Variants in TNS3 observed in about 807,000 individuals in gnomAD.
The protein encoded by TNS3 is tensin 3, also known as tensin-3.
Under a neutral mutation model 140.9 loss-of-function variants are expected in TNS3, and 45 were observed. The observed-to-expected ratio is 0.32, with a 90% CI of 0.25 to 0.41. The LOEUF is 0.41. Ranked by LOEUF, TNS3 falls within the 10% of genes least tolerant of loss-of-function variation. The pLI is 1.00. For missense variants in TNS3, 1,716 were observed against 1,906.7 expected (o/e 0.90, Z 1.86); for synonymous variants, 815 against 788.4 (o/e 1.03, Z -0.56).
intron 3 of TNS3, among the ~76,000 whole-genome samples, chr7:47,493,117 C>A (rs547734996): frequency 0.017 from 2,548 of 152,246 alleles, 72 homozygotes; most frequent in African/African-American, 0.058. Context: ...AGGGGATGCC[C>A]AGATCTCGAA....
At chr7:47,440,463 CA>C (rs1419111647) in intron 5 of TNS3, among the ~76,000 whole-genome samples, 1 of 152,152 alleles carries the variant, frequency 6.6e-6, no homozygotes, top group Non-Finnish European at 1.5e-5. Flanking sequence ...GGCAGGCCCC[CA>C]AGTGTGAGAT....
At chr7:47,475,567 T>C (rs1438880427) in intron 4 of TNS3, among the ~76,000 whole-genome samples, 1 of 152,170 alleles carries the variant, frequency 6.6e-6, no homozygotes, top group Non-Finnish European at 1.5e-5. Context: ...GGACTCAGGC[T>C]GGCTGTGGGC....
chr7:47,334,519 T>G (rs569477226), intron 20 of TNS3, among the ~76,000 whole-genome samples: 359 of 152,126 alleles, frequency 2.4e-3, no homozygotes, highest in Non-Finnish European at 4.3e-3. Flanking sequence ...ATGTTCACCT[T>G]CAAATAGATG....
chr7:47,430,112 TTTTCTTTTC>T (rs2151506191), intron 8 of TNS3, among the ~76,000 whole-genome samples: 1 of 143,106 alleles, frequency 7.0e-6, no homozygotes, highest in Non-Finnish European at 1.5e-5. Flanking sequence ...CAAGTATTTC[TTTTCTTTTC>T]TTTTCTTTTC....
chr7:47,449,920 T>G (rs1311873678), intron 4 of TNS3, among the ~76,000 whole-genome samples: 1 of 152,220 alleles, frequency 6.6e-6, no homozygotes, highest in East Asian at 1.9e-4. Flanking sequence ...TCTACTTTAC[T>G]GTGCCGACCA....
intron 8 of TNS3, among the ~76,000 whole-genome samples, chr7:47,430,067 A>G (rs1794850417): frequency 6.6e-6 from 1 of 151,984 alleles, no homozygotes; most frequent in African/African-American, 2.4e-5. Context: ...CCCATTATCA[A>G]TCACTTTTGT....
intron 17 of TNS3, among the ~76,000 whole-genome samples, chr7:47,359,419 G>A (rs1584476677): frequency 1.3e-5 from 2 of 152,210 alleles, no homozygotes; most frequent in African/African-American, 4.8e-5. Context: ...GACTTCAGGG[G>A]GTATAAGGTT....
chr7:47,411,792 G>A lies in TNS3; in HGVS notation c.658C>T (p.Pro220Ser). The A allele has an allele frequency of 6.2e-7, 1 of 1,613,404 alleles. No individual in the cohort carries two copies. Among genetic ancestry groups the A allele is most frequent in the Non-Finnish European group, 8.5e-7 (1 of 1,179,736 alleles). ...ATGCAGATCCTGCTGGGGTTTTCTG[G>A]GCCAACGTTGCTTTGGGATGAAGAA... ...VYTSGIYNVGPENPSRICIVI... is the reference protein window; with the variant it reads ...VYTSGIYNVGSENPSRICIVI... Residue 220 changes from proline to serine, a missense_variant, in exon 13 of 31, where the codon CCA becomes TCA. By Grantham distance (74) the Pro-to-Ser change is moderately conservative. Around this residue, in one of 3 missense-constraint regions of TNS3, gnomAD observed 337 missense variants for 428.9 expected, o/e 0.79. Transcript: ENST00000311160.
chr7:47,447,065 CTCAATGAGG>C (rs1029133112), intron 4 of TNS3, among the ~76,000 whole-genome samples: 11 of 151,564 alleles, frequency 7.3e-5, no homozygotes, highest in African/African-American at 2.7e-4. Context: ...GCCCCATGGG[CTCAATGAGG>C]TCAATGAGGT....
chr7:47,388,039 G>T (rs1273801576), intron 16 of TNS3, among the ~76,000 whole-genome samples: 7 of 152,184 alleles, frequency 4.6e-5, no homozygotes, highest in African/African-American at 1.7e-4. Flanking sequence ...GGAGAGAAAG[G>T]TTCTACGCAC....
chr7:47,578,759 C>G (rs1392337120), intron 1 of TNS3, among the ~76,000 whole-genome samples: 2 of 152,210 alleles, frequency 1.3e-5, no homozygotes, highest in East Asian at 3.8e-4. Context: ...GCTCACGAAA[C>G]TTGGAGAGTC....
chr7:47,368,229 G>C (rs1584495542), intron 17 of TNS3, 136 bp downstream of exon 17: 5 of 951,666 alleles, frequency 5.3e-6, no homozygotes, highest in Middle Eastern at 3.7e-4. Context: ...AAATTCACAA[G>C]AGTTGAAACT....
intron 8 of TNS3, among the ~76,000 whole-genome samples, chr7:47,434,951 T>C (rs1275962859): frequency 2.0e-5 from 3 of 152,248 alleles, no homozygotes; most frequent in Admixed American, 1.3e-4. Flanking sequence ...ATAGCTCTTT[T>C]GAAAAGGAGG....
intron 1 of TNS3, among the ~76,000 whole-genome samples, chr7:47,549,992 T>C (rs1316155724): frequency 5.9e-5 from 7 of 119,586 alleles, no homozygotes; most frequent in Non-Finnish European, 1.1e-4. Flanking sequence ...GCCAGACCCA[T>C]GCCTTGGTCT....
intron 20 of TNS3, among the ~76,000 whole-genome samples, chr7:47,341,130 T>C (rs527997453): frequency 9.2e-5 from 14 of 152,352 alleles, no homozygotes; most frequent in African/African-American, 3.4e-4. Flanking sequence ...TATATATTGC[T>C]GTGTTCTATT....
At chr7:47,486,949 A>C (rs1797633597) in intron 3 of TNS3, among the ~76,000 whole-genome samples, 1 of 152,192 alleles carries the variant, frequency 6.6e-6, no homozygotes, top group Admixed American at 6.5e-5. Flanking sequence ...CAAAAATTCC[A>C]GTCATGGTGG....
intron 1 of TNS3, among the ~76,000 whole-genome samples, chr7:47,550,653 G>T (rs1800036184): frequency 6.6e-6 from 1 of 152,140 alleles, no homozygotes; most frequent in Non-Finnish European, 1.5e-5. Flanking sequence ...GTGTTCTAAG[G>T]CAATGACCAT....
At chr7:47,485,865 A>G (rs1797590860) in intron 3 of TNS3, among the ~76,000 whole-genome samples, 3 of 152,186 alleles carry the variant, frequency 2.0e-5, no homozygotes, top group Admixed American at 1.3e-4. Flanking sequence ...CACAGGACAG[A>G]GGGGCAGAGG....
At position 47,278,105 on chromosome 7, in the gene TNS3, C is replaced by A. The variant is rs1446176271; in HGVS notation, c.4309G>T (p.Val1437Phe). The stretch of plus-strand genomic sequence containing the variant: ...ACCTTCTTTGGGGAACCAATCATGA[C>A]CTTTGATACGAAGTTGACAATGGCA... Reference protein sequence around the residue: ...ASAIVNFVSKVMIGSPKKV With the variant: ...ASAIVNFVSKFMIGSPKKV The change falls in exon 31 of 31, where the codon GTC (valine) becomes TTC (phenylalanine). Residue 1437 changes from valine to phenylalanine, a missense_variant. Physicochemically the swap from Val to Phe is conservative, Grantham distance 50. Coordinates refer to ENST00000311160, the MANE Select transcript of TNS3 (RefSeq NM_022748.12). 1 of 1,614,144 alleles carries A rather than the reference C, an allele frequency of 6.2e-7. No individual in the cohort carries two copies. Among genetic ancestry groups the A allele is most frequent in the Non-Finnish European group, 8.5e-7 (1 of 1,180,016 alleles).
Sources: allele counts gnomAD v4.1 joint callset (sites outside exome capture counted in the v4.1 genomes callset), GRCh38; gene constraint gnomAD v4.1.1; regional missense constraint gnomAD v4.1.1; transcripts MANE v1.5; gene names NCBI Gene and HGNC (gene_info 2026-07-23, HGNC 2026-07-21).